Variants in ASPH observed in about 807,000 individuals in gnomAD.
ASPH encodes aspartyl/asparaginyl beta-hydroxylase.
A neutral mutation model predicts 118.4 loss-of-function variants in ASPH; 100 were observed. The observed-to-expected ratio is 0.84, with a 90% CI of 0.72 to 1.00. The LOEUF is 1.00. ASPH is among the 50% of genes least tolerant of loss of function. The pLI, the probability that ASPH is intolerant of heterozygous loss-of-function variation, is 0.00. For synonymous variants in ASPH, 315 were observed against 325.6 expected (o/e 0.97, Z 0.35); for missense variants, 920 against 919.5 (o/e 1.00, Z -0.01).
At chr8:61,661,565 G>C (rs1816929433) in intron 3 of ASPH, 1 of 173,634 alleles carries the variant, frequency 5.8e-6, no homozygotes, top group South Asian at 2.0e-4. Flanking sequence ...ACAGGAGAAA[G>C]AAATCAATGT....
At chr8:61,629,218 A>C (rs994586341) in intron 13 of ASPH, among the ~76,000 whole-genome samples, 1 of 152,240 alleles carries the variant, frequency 6.6e-6, no homozygotes, top group East Asian at 1.9e-4. Context: ...ATTCTGAAGA[A>C]CATGGTTACA....
intron 6 of ASPH, among the ~76,000 whole-genome samples, chr8:61,646,547 T>C (rs1432080811): frequency 6.6e-6 from 1 of 152,220 alleles, no homozygotes; most frequent in Non-Finnish European, 1.5e-5. Context: ...TTGTATATTC[T>C]GAGTTTCCCT....
chr8:61,637,307 T>C (rs1858264686), intron 12 of ASPH, among the ~76,000 whole-genome samples: 1 of 152,154 alleles, frequency 6.6e-6, no homozygotes, highest in Non-Finnish European at 1.5e-5. Context: ...GCCAGTCACC[T>C]GACCTCACTC....
chr8:61,636,279 G>A (rs1258513775), intron 12 of ASPH, among the ~76,000 whole-genome samples: 2 of 152,146 alleles, frequency 1.3e-5, no homozygotes, highest in Admixed American at 6.6e-5. Context: ...AAAGGGCTGA[G>A]CCAGACAAGG....
intron 18 of ASPH, 80 bp downstream of exon 18, chr8:61,562,664 A>G (rs1830409835): frequency 7.6e-7 from 1 of 1,318,222 alleles, no homozygotes; most frequent in East Asian, 2.6e-5. Context: ...TAAAATAAAG[A>G]GAGACTGGGT....
At chr8:61,618,439 C>T (rs1345832624) in intron 14 of ASPH, among the ~76,000 whole-genome samples, 1 of 152,136 alleles carries the variant, frequency 6.6e-6, no homozygotes, top group Non-Finnish European at 1.5e-5. Context: ...ATAATTCTTT[C>T]TGCATAGCTG....
intron 22 of ASPH, among the ~76,000 whole-genome samples, chr8:61,520,118 G>T (rs1812401272): frequency 6.6e-6 from 1 of 152,158 alleles, no homozygotes; most frequent in Admixed American, 6.5e-5. Flanking sequence ...GGATTTAAAT[G>T]AAGAAGGCGT....
intron 3 of ASPH, chr8:61,664,640 G>A: frequency 1.0e-6 from 1 of 986,144 alleles, no homozygotes; most frequent in Non-Finnish European, 1.2e-6. Context: ...GAGAGTAAAA[G>A]ACTTGGGGAG....
intron 1 of ASPH, among the ~76,000 whole-genome samples, chr8:61,711,335 T>A (rs1055473861): frequency 1.3e-5 from 2 of 152,154 alleles, no homozygotes; most frequent in Admixed American, 6.5e-5. Flanking sequence ...ATCATGATCC[T>A]TCTTTGTCAA....
intron 3 of ASPH, among the ~76,000 whole-genome samples, chr8:61,674,577 C>T (rs921994659): frequency 9.2e-5 from 14 of 152,232 alleles, no homozygotes; most frequent in African/African-American, 3.1e-4. Flanking sequence ...AGAATGTTTG[C>T]TTTTTAATAA....
chr8:61,611,484 C>T (rs1847348883), intron 14 of ASPH, among the ~76,000 whole-genome samples: 1 of 152,204 alleles, frequency 6.6e-6, no homozygotes, highest in Non-Finnish European at 1.5e-5. Context: ...TCACTGGAGG[C>T]TGCCTTCGAG....
intron 6 of ASPH, among the ~76,000 whole-genome samples, chr8:61,646,289 A>T (rs1807930976): frequency 6.6e-6 from 1 of 152,236 alleles, no homozygotes; most frequent in Non-Finnish European, 1.5e-5. Context: ...TGTACGATCC[A>T]GAAAACCTGA....
chr8:61,629,724 G>A (rs1378271906), intron 13 of ASPH, among the ~76,000 whole-genome samples: 1 of 152,212 alleles, frequency 6.6e-6, no homozygotes, highest in Non-Finnish European at 1.5e-5. Context: ...AACTAATGCA[G>A]ATTAAGAGAA....
At chr8:61,692,312 T>C (rs1563626137) in intron 1 of ASPH, among the ~76,000 whole-genome samples, 1 of 152,236 alleles carries the variant, frequency 6.6e-6, no homozygotes, top group Non-Finnish European at 1.5e-5. Flanking sequence ...ATAATGACAA[T>C]TCATTTTTAT....
At chr8:61,663,631 T>A (rs1818038166) in intron 3 of ASPH, 1 of 985,258 alleles carries the variant, frequency 1.0e-6, no homozygotes, top group Non-Finnish European at 1.2e-6. Context: ...TTTACAATGT[T>A]CTTGTAATGT....
intron 20 of ASPH, among the ~76,000 whole-genome samples, chr8:61,551,867 T>C (rs1390187085): frequency 6.6e-6 from 1 of 152,228 alleles, no homozygotes; most frequent in East Asian, 1.9e-4. Flanking sequence ...TTCTCCCATC[T>C]TTCTCTTTAA....
chr8:61,550,499 G>GAC (rs1466655387), intron 20 of ASPH, among the ~76,000 whole-genome samples: 1 of 151,054 alleles, frequency 6.6e-6, no homozygotes, highest in African/African-American at 2.4e-5. Flanking sequence ...GAGAGAGAGA[G>GAC]ACAGAGACAG....
chr8:61,585,459 G>C (rs1211244193), intron 14 of ASPH, among the ~76,000 whole-genome samples: 1 of 152,152 alleles, frequency 6.6e-6, no homozygotes, highest in Non-Finnish European at 1.5e-5. Flanking sequence ...GACGTTAATA[G>C]CTTCTTCCCT....
At chr8:61,525,903 C>T in intron 22 of ASPH, 74 bp downstream of exon 22, 2 of 1,575,784 alleles carry the variant, frequency 1.3e-6, no homozygotes, top group Non-Finnish European at 1.7e-6. Context: ...GAAGCATCAC[C>T]AGAAGACTCT....
Sources: allele counts gnomAD v4.1 joint callset (sites outside exome capture counted in the v4.1 genomes callset), GRCh38; gene constraint gnomAD v4.1.1; transcripts MANE v1.5; gene names NCBI Gene and HGNC (gene_info 2026-07-23, HGNC 2026-07-21).